The following CSGALNACT1 variants were observed in gnomAD, a reference collection of about 807,000 sequenced individuals.
The protein encoded by CSGALNACT1 is beta4GalNAcT-1.
In CSGALNACT1, 52 loss-of-function variants were observed where a neutral mutation model predicts 51.0. That is an observed-to-expected ratio of 1.02 (90% CI 0.82 to 1.29). The LOEUF (loss-of-function observed/expected upper bound fraction) is 1.29. CSGALNACT1 is among the 50% of genes most tolerant of loss of function. CSGALNACT1 has a pLI of 0.00. For missense variants in CSGALNACT1, 935 were observed against 679.2 expected, an observed-to-expected ratio of 1.38 and a Z score of -4.19; for synonymous variants, 341 against 254.4, an observed-to-expected ratio of 1.34 and a Z score of -3.24.
Position 19,404,819 on chromosome 8 carries a change from C to A in CSGALNACT1, c.*961G>T, listed in dbSNP as rs539621058. 9.3e-4 allele frequency: 422 copies of A among 454,504 alleles called. 1 individual carries two copies. Among genetic ancestry groups the A allele is most frequent in the Non-Finnish European group, 1.4e-3 (310 of 226,786 alleles). 28.2% of individuals were successfully genotyped at this position (454,504 alleles called of 1,614,324 possible). A position where few individuals can be genotyped will look rare whatever the true frequency, so the allele number is the denominator to read the frequency against. ...CACCAGTCTGAATGAGTTTCCTTTT[C>A]TGTAAAGCAGAAAGTGTCATTTTCT... is the stretch of plus-strand genomic sequence containing the variant. On this transcript the variant is annotated 3_prime_UTR_variant, in exon 10 of 10. Coordinates refer to ENST00000454498, the Ensembl canonical transcript of CSGALNACT1.
At chr8:19,633,271 G>A (rs781639220) in intron 1 of CSGALNACT1, among the ~76,000 whole-genome samples, 15 of 152,036 alleles carry the variant, frequency 9.9e-5, no homozygotes, top group African/African-American at 1.7e-4. Context: ...AATACAGTAT[G>A]AGTCATTTGA....
At chr8:19,651,582 A>G (rs2057805987) in intron 1 of CSGALNACT1, among the ~76,000 whole-genome samples, 1 of 152,202 alleles carries the variant, frequency 6.6e-6, no homozygotes, top group Non-Finnish European at 1.5e-5. Context: ...TTGTTGCTGC[A>G]AAGGATAGGA....
intron 3 of CSGALNACT1, among the ~76,000 whole-genome samples, chr8:19,581,668 G>T (rs2045603185): frequency 6.6e-6 from 1 of 152,244 alleles, no homozygotes; most frequent in African/African-American, 2.4e-5. Context: ...TTTAATTGAA[G>T]TCTGGGCTTC....
chr8:19,425,130 G>A (rs1211309861), intron 6 of CSGALNACT1, among the ~76,000 whole-genome samples: 3 of 152,108 alleles, frequency 2.0e-5, no homozygotes, highest in Non-Finnish European at 2.9e-5. Flanking sequence ...ATCACTTGAG[G>A]TCAGGAGTTC....
At chr8:19,669,387 G>A (rs1264728491) in intron 1 of CSGALNACT1, among the ~76,000 whole-genome samples, 1 of 152,120 alleles carries the variant, frequency 6.6e-6, no homozygotes, top group Non-Finnish European at 1.5e-5. Context: ...AACATTCAAA[G>A]CACATGGTTA....
At chr8:19,725,186 G>A (rs1263848947) in intron 1 of CSGALNACT1, among the ~76,000 whole-genome samples, 1 of 152,192 alleles carries the variant, frequency 6.6e-6, no homozygotes, top group Non-Finnish European at 1.5e-5. Flanking sequence ...TTTCAGGCAG[G>A]TGCGGAAGTC....
At chr8:19,404,957 T>C in exon 10 of CSGALNACT1, 1 of 453,464 alleles carries the variant, frequency 2.2e-6, no homozygotes, top group South Asian at 1.6e-5. Flanking sequence ...TGACATTCAG[T>C]GCCTGACAGA....
intron 5 of CSGALNACT1, among the ~76,000 whole-genome samples, chr8:19,450,895 GCTTTTTTAGAGACC>G (rs1586297089): frequency 6.6e-6 from 1 of 151,548 alleles, no homozygotes; most frequent in African/African-American, 2.4e-5. Flanking sequence ...GGGCTACTGA[GCTTTTTTAGAGACC>G]CTGTCTTCAA....
chr8:19,652,684 T>G (rs2057919521), intron 1 of CSGALNACT1, among the ~76,000 whole-genome samples: 1 of 152,238 alleles, frequency 6.6e-6, no homozygotes, highest in South Asian at 2.1e-4. Context: ...GAAACAGCAA[T>G]CTGTGCTTTC....
intron 4 of CSGALNACT1, among the ~76,000 whole-genome samples, chr8:19,504,254 T>C (rs993434832): frequency 7.2e-5 from 11 of 152,092 alleles, no homozygotes; most frequent in Non-Finnish European, 1.3e-4. Context: ...TTTTTTGTAT[T>C]TTTAGTAGAG....
At chr8:19,691,798 A>G (rs960148043) in intron 1 of CSGALNACT1, among the ~76,000 whole-genome samples, 1 of 152,186 alleles carries the variant, frequency 6.6e-6, no homozygotes, top group Non-Finnish European at 1.5e-5. Flanking sequence ...TGATTCTCCA[A>G]GTGTGTCGCT....
chr8:19,734,253 G>T (rs1292908163), intron 1 of CSGALNACT1, among the ~76,000 whole-genome samples: 3 of 152,206 alleles, frequency 2.0e-5, no homozygotes, highest in Non-Finnish European at 4.4e-5. Flanking sequence ...GCCTAAATCT[G>T]CTTCAATACT....
In CSGALNACT1 at chr8:19,719,409, A is replaced by G. The variant is rs145921926; in HGVS notation, c.-297+38441T>C. Among the ~76,000 whole-genome samples the G allele has an allele frequency of 2.6e-4, 40 of 152,332 alleles. No individual in the cohort carries two copies. In the East Asian group the frequency reaches 6.7e-3, roughly 26 times the overall value. On this transcript the variant is annotated intron_variant, in intron 1 of 1. Transcript: ENST00000517494. ...TTATCTAAGGGGTATGTCTGGAAAT[A>G]GGCACACATTCTTCAATCTGTCTCT... is the stretch of plus-strand genomic sequence containing the variant.
chr8:19,516,017 C>G (rs1281867026), intron 3 of CSGALNACT1, among the ~76,000 whole-genome samples: 1 of 152,112 alleles, frequency 6.6e-6, no homozygotes, highest in African/African-American at 2.4e-5. Flanking sequence ...GCTGCCAAAC[C>G]CCGCAAGGAG....
chr8:19,713,463 C>G (rs1397606368), intron 1 of CSGALNACT1, among the ~76,000 whole-genome samples: 3 of 152,166 alleles, frequency 2.0e-5, no homozygotes, highest in African/African-American at 7.2e-5. Flanking sequence ...GAAGTCCTCA[C>G]CCACAGTAGC....
intron 4 of CSGALNACT1, among the ~76,000 whole-genome samples, chr8:19,490,559 G>A (rs1464542801): frequency 6.6e-6 from 1 of 152,196 alleles, no homozygotes; most frequent in Non-Finnish European, 1.5e-5. Context: ...TAGAGGCCAG[G>A]AGCATGCGAA....
intron 3 of CSGALNACT1, among the ~76,000 whole-genome samples, chr8:19,512,056 G>C (rs2078565749): frequency 6.6e-6 from 1 of 152,208 alleles, no homozygotes; most frequent in South Asian, 2.1e-4. Context: ...TTTGGGTGGG[G>C]ACACAGAACC....
chr8:19,629,126 T>A (rs1045123038), intron 1 of CSGALNACT1, among the ~76,000 whole-genome samples: 1 of 152,204 alleles, frequency 6.6e-6, no homozygotes, highest in Admixed American at 6.5e-5. Flanking sequence ...AGTAGTTTAA[T>A]TGCCACCTTC....
intron 1 of CSGALNACT1, among the ~76,000 whole-genome samples, chr8:19,694,749 G>A (rs1482555556): frequency 6.6e-6 from 1 of 152,160 alleles, no homozygotes; most frequent in Non-Finnish European, 1.5e-5. Flanking sequence ...GCTATTCCCA[G>A]TCTGCCCTTA....
Sources: allele counts gnomAD v4.1 joint callset (sites outside exome capture counted in the v4.1 genomes callset), GRCh38; gene constraint gnomAD v4.1.1; transcripts MANE v1.5; gene names NCBI Gene and HGNC (gene_info 2026-07-23, HGNC 2026-07-21).